The following KIF19 variants were observed in gnomAD, a reference collection of about 807,000 sequenced individuals.
KIF19 encodes kinesin family member 19, also known as kinesin-like protein KIF19.
A neutral mutation model predicts 106.6 loss-of-function variants in KIF19; 98 were observed. That is an observed-to-expected ratio of 0.92 (90% CI 0.78 to 1.09). The LOEUF is 1.09. Ranked by LOEUF, KIF19 falls within the 50% of genes least tolerant of loss-of-function variation. The pLI, the probability that KIF19 is intolerant of heterozygous loss-of-function variation, is 0.00. For missense variants in KIF19, 1,373 were observed against 1,414.3 expected (o/e 0.97, Z 0.47); for synonymous variants, 516 against 584.2 (o/e 0.88, Z 1.68).
rs745327275 is a variant in KIF19 at position 74,349,265 on chromosome 17, C to A, written c.1129C>A (p.Arg377=). The A allele has an allele frequency of 4.3e-6, 7 of 1,613,268 alleles. 1 individual carries two copies. The highest frequency in any genetic ancestry group is 2.2e-5 in the East Asian group (1 of 44,896). ...IIADLRGEIQ[R]LKRKIDEQTG... is the part of the protein sequence containing the mutation. ...CGCTGACCTGCGGGGCGAGATCCAG[C>A]GACTCAAGCGCAAGATTGATGAGCA... is the stretch of plus-strand genomic sequence containing the variant. Residue 377 remains arginine (R), a synonymous_variant, in exon 10 of 20, where the codon CGA becomes AGA. Transcript: ENST00000389916.
chr17:74,352,784 ATCT>A, intron 14 of KIF19, 34 bp from the exon 15 acceptor site: 1 of 1,613,196 alleles, frequency 6.2e-7, no homozygotes, highest in Non-Finnish European at 8.5e-7. Flanking sequence ...CCAGGACCAA[ATCT>A]TCTAACTGTC....
chr17:74,348,031 T>A, intron 9 of KIF19, 132 bp downstream of exon 9: 1 of 1,114,160 alleles, frequency 9.0e-7, no homozygotes, highest in Non-Finnish European at 1.3e-6. Flanking sequence ...CCCTAGTTGA[T>A]CGTCACCTGT....
chr17:74,353,947 C>G (rs2054797602), intron 17 of KIF19, among the ~76,000 whole-genome samples: 1 of 152,150 alleles, frequency 6.6e-6, no homozygotes, highest in Non-Finnish European at 1.5e-5. Flanking sequence ...CTCAATTAAT[C>G]CTGGAAATAA....
chr17:74,342,976 C>T (rs369540361), intron 4 of KIF19, 48 bp from the exon 5 acceptor site: 328 of 1,539,244 alleles, frequency 2.1e-4, no homozygotes, highest in Admixed American at 2.7e-4. Context: ...CCAGCAAGGC[C>T]TCCCTCCCAG....
intron 17 of KIF19, 38 bp downstream of exon 17, chr17:74,353,619 C>A (rs377193079): frequency 3.2e-5 from 49 of 1,532,762 alleles, no homozygotes; most frequent in Non-Finnish European, 4.3e-5. Context: ...CCTCACCTGG[C>A]CTTGTCTAAA....
At chr17:74,345,814 G>T (rs1220935594) in intron 7 of KIF19, among the ~76,000 whole-genome samples, 1 of 152,084 alleles carries the variant, frequency 6.6e-6, no homozygotes, top group Non-Finnish European at 1.5e-5. Flanking sequence ...AGGCACACAG[G>T]GGAGAGGCCT....
chr17:74,355,189 G>A lies in KIF19; in HGVS notation c.2874G>A (p.Gly958=), dbSNP rs1426080249. The change falls in exon 20 of 20, where the codon GGG becomes GGA. Residue 958 remains glycine (G), a synonymous_variant. Transcript: ENST00000389916. ...KLPPSQNTGP[G]DSSPLAVPPN... ...CCCCTTTCCCTGTTGCAGGCCCGGG[G>A]GACTCCTCACCCCTGGCTGTTCCCC... 7.5e-6 allele frequency: 12 copies of A among 1,600,516 alleles called. No homozygotes were observed. Among genetic ancestry groups the A allele is most frequent in the Non-Finnish European group, 1.0e-5 (12 of 1,172,228 alleles).
chr17:74,336,560 A>C (rs554271058), intron 2 of KIF19, among the ~76,000 whole-genome samples: 14 of 152,282 alleles, frequency 9.2e-5, no homozygotes, highest in South Asian at 6.2e-4. Flanking sequence ...TCACATTCTA[A>C]GGCACTAGGC....
chr17:74,347,938 T>C, intron 9 of KIF19, 39 bp downstream of exon 9: 1 of 1,554,780 alleles, frequency 6.4e-7, no homozygotes, highest in Non-Finnish European at 8.7e-7. Flanking sequence ...CACACCTTCC[T>C]GGGCTGAGAT....
intron 8 of KIF19, among the ~76,000 whole-genome samples, chr17:74,347,536 CAA>C (rs570278328): frequency 4.6e-4 from 51 of 109,726 alleles, no homozygotes; most frequent in Admixed American, 6.3e-4. Context: ...GACCCTGTCT[CAA>C]AAAAAAAAAA....
At chr17:74,332,078 A>G (rs556987415) in intron 2 of KIF19, among the ~76,000 whole-genome samples, 1 of 152,046 alleles carries the variant, frequency 6.6e-6, no homozygotes, top group East Asian at 1.9e-4. Context: ...GAAATATGGG[A>G]TGGCTTCGGG....
rs980103279 is a variant in KIF19, at chr17:74,344,635, C to T, written c.583-126C>T. 32 of 1,037,838 alleles carry T rather than the reference C, an allele frequency of 3.1e-5. No individual in the cohort carries two copies. In the South Asian group the frequency reaches 4.5e-4, roughly 14 times the overall value. The allele number at this position is 1,037,838 out of a possible 1,614,324, so 64.3% of individuals were successfully genotyped here. A position where few individuals can be genotyped will look rare whatever the true frequency, so the allele number is the denominator to read the frequency against. ...GCCTCTCAGCACACGGAGCCCAGCCCACTCCAGCCTGCCCTTTCCCAACTG... is the reference window on the plus strand; with the variant it reads ...GCCTCTCAGCACACGGAGCCCAGCCTACTCCAGCCTGCCCTTTCCCAACTG... On this transcript the variant is annotated intron_variant, in intron 6 of 19. Coordinates refer to ENST00000389916, the MANE Select transcript of KIF19 (RefSeq NM_153209.4).
rs200691289 is a variant in KIF19 at position 74,346,479 on chromosome 17, C to A, written c.879C>A (p.Asn293Lys). 2 of 1,552,668 alleles carry A rather than the reference C, an allele frequency of 1.3e-6. No individual in the cohort carries two copies. Among genetic ancestry groups the A allele is most frequent in the Non-Finnish European group, 1.7e-6 (2 of 1,147,798 alleles). ...CINALSDKGS[N>K]KYINYRDSKL... ...ACGCCCTGAGCGACAAGGGTAGCAA[C>A]AAGTACATCAACTATCGCGACAGCA... The change falls in exon 8 of 20, where the codon AAC becomes AAA. Residue 293 changes from asparagine (N) to lysine (K), a missense_variant. Asn to Lys is a moderately conservative substitution (Grantham distance 94, BLOSUM62 0). Transcript: ENST00000389916. This position sits in a 1 kb window ranked among gnomAD's most constrained non-coding sequence, Gnocchi z 4.6.
In KIF19 at chr17:74,352,660, A is replaced by AAG. The variant is rs1433849091; in HGVS notation, c.1981-161_1981-160insAG. Among the ~76,000 whole-genome samples, 3 of 152,280 alleles carry AAG rather than the reference A, an allele frequency of 2.0e-5. No homozygotes were observed. In the East Asian group the frequency reaches 5.8e-4, roughly 29 times the overall value. On this transcript the variant is annotated intron_variant, in intron 14 of 19. Transcript: ENST00000389916. ...CAGTGCCACTGGGGAAGCCTAGCAG[A>AAG]CCACAGCTTAACCCCGAGGACCCAA...
chr17:74,341,757 A>G (rs1340677936), intron 2 of KIF19, 119 bp from the exon 3 acceptor site: 1 of 733,846 alleles, frequency 1.4e-6, no homozygotes, highest in Non-Finnish European at 2.5e-6. Flanking sequence ...CAGAGCCCAG[A>G]AGGGCTTTGT....
intron 4 of KIF19, 44 bp from the exon 5 acceptor site, chr17:74,342,980 C>T (rs762323940): frequency 1.3e-6 from 2 of 1,544,266 alleles, no homozygotes; most frequent in African/African-American, 2.7e-5. Flanking sequence ...CAAGGCCTCC[C>T]TCCCAGCCCC....
chr17:74,343,236 G>A (rs1293580913), intron 5 of KIF19, 76 bp downstream of exon 5: 6 of 1,419,244 alleles, frequency 4.2e-6, no homozygotes, highest in Middle Eastern at 2.1e-4. Flanking sequence ...TTCCCGGGGC[G>A]CTCATCACTG....
At position 74,354,558 on chromosome 17, in the gene KIF19, G is replaced by A. The variant is rs1338233112; in HGVS notation, c.2705G>A (p.Gly902Glu). ...CGATCCTTCGAGGTCACCGGGCAAG[G>A]GGTGAGGCGAGGCGCAGGGGTGGGT... The part of the protein sequence containing the change: ...RSRSFEVTGQ[G>E]LSHPKTHLLG... The change falls in exon 18 of 20, where the codon GGG becomes GAG. Residue 902 changes from glycine (G) to glutamate (E), a missense_variant and splice_region_variant. Physicochemically the swap from Gly to Glu is moderately conservative, Grantham distance 98. Transcript: ENST00000389916. 1 of 1,591,460 alleles carries A rather than the reference G, an allele frequency of 6.3e-7. No homozygotes were observed.
intron 2 of KIF19, among the ~76,000 whole-genome samples, chr17:74,339,240 C>T (rs931507309): frequency 6.6e-6 from 1 of 151,864 alleles, no homozygotes; most frequent in Admixed American, 6.6e-5. Context: ...GCGTGAGAGG[C>T]AGTTTAGAAG....
Sources: gnomAD v4.1 joint callset for allele counts (sites outside exome capture counted in the v4.1 genomes callset) on GRCh38, gnomAD v4.1.1 for gene constraint, Gnocchi (gnomAD v3.1) non-coding constraint, MANE v1.5 for transcripts, NCBI Gene and HGNC (gene_info 2026-07-23, HGNC 2026-07-21) for gene names.